ZMIZ1: variants seen among roughly 807,000 people sequenced by gnomAD.
ZMIZ1 encodes the protein zinc finger MIZ-type containing 1.
Under a neutral mutation model 113.9 loss-of-function variants are expected in ZMIZ1, and 17 were observed. The observed-to-expected ratio is 0.15, with a 90% CI of 0.10 to 0.22. The LOEUF (loss-of-function observed/expected upper bound fraction) is 0.22. Among genes scored for constraint, ZMIZ1 ranks in the 10% least tolerant of loss-of-function variants. The pLI is 1.00. For missense variants in ZMIZ1, 1,059 were observed against 1,477.8 expected (o/e 0.72, Z 4.65); for synonymous variants, 607 against 603.1 (o/e 1.01, Z -0.09).
chr10:79,102,919 A>C (rs551718028), intron 1 of ZMIZ1, among the ~76,000 whole-genome samples: 1 of 152,352 alleles, frequency 6.6e-6, no homozygotes, highest in Non-Finnish European at 1.5e-5. Flanking sequence ...TAAACATTGG[A>C]TAGAAAGCAG....
Position 79,216,288 on chromosome 10 carries a change from G to A in ZMIZ1, c.280+14G>A, listed in dbSNP as rs1373661910. On this transcript the variant is annotated intron_variant, in intron 7 of 24. Coordinates refer to ENST00000334512, the MANE Select transcript of ZMIZ1 (RefSeq NM_020338.4). ...CGAAGTCTGCCGGTAGGTGTCCGTG[G>A]GGGACTCTGCGATGTCACTGGGAGG... The A allele has an allele frequency of 6.3e-7, 1 of 1,579,656 alleles. No homozygotes were observed. The highest frequency in any genetic ancestry group is 1.2e-5 in the South Asian group (1 of 86,888).
intron 5 of ZMIZ1, among the ~76,000 whole-genome samples, chr10:79,202,669 G>T (rs993464284): frequency 2.0e-5 from 3 of 152,342 alleles, no homozygotes; most frequent in African/African-American, 4.8e-5. Context: ...TTGGACTGCC[G>T]GGAGGTGGGG....
intron 3 of ZMIZ1, among the ~76,000 whole-genome samples, chr10:79,150,851 A>G (rs1845686788): frequency 6.6e-6 from 1 of 152,062 alleles, no homozygotes; most frequent in Non-Finnish European, 1.5e-5. Flanking sequence ...CTGGGCCAGA[A>G]GCAGGGATGG....
In ZMIZ1 at chr10:79,307,495, A is replaced by T; in HGVS notation, c.2759A>T (p.Gln920Leu). Residue 920 changes from glutamine (Q) to leucine (L), a missense_variant, in exon 23 of 25, where the codon CAG becomes CTG. Gln to Leu is a moderately radical substitution (Grantham distance 113). Transcript: ENST00000334512. ...SMNDFMHGPP[Q>L]LSHPPDMPNN... ...AATGACTTCATGCACGGGCCCCCCC[A>T]GCTCTCCCACCCCCCGGACATGCCC... is the stretch of plus-strand genomic sequence containing the variant. 3.1e-6 allele frequency: 4 copies of T among 1,292,242 alleles called. No homozygotes were observed. Among genetic ancestry groups the T allele is most frequent in the Non-Finnish European group, 4.1e-6 (4 of 967,124 alleles). The allele number at this position is 1,292,242 out of a possible 1,614,324, so 80.0% of individuals were successfully genotyped here.
chr10:79,129,939 G>C (rs1844682792), intron 2 of ZMIZ1, among the ~76,000 whole-genome samples: 1 of 152,220 alleles, frequency 6.6e-6, no homozygotes, highest in African/African-American at 2.4e-5. Context: ...GCTTCCTGGG[G>C]GAGGGGAGCA....
At chr10:79,122,245 C>T (rs778858830) in intron 2 of ZMIZ1, among the ~76,000 whole-genome samples, 1 of 152,148 alleles carries the variant, frequency 6.6e-6, no homozygotes, top group Non-Finnish European at 1.5e-5. Flanking sequence ...ATGGTACCCT[C>T]CTGCCTGCAG....
At chr10:79,216,652 AGAG>A (rs1274688076) in intron 7 of ZMIZ1, among the ~76,000 whole-genome samples, 2 of 152,196 alleles carry the variant, frequency 1.3e-5, no homozygotes, top group East Asian at 3.8e-4. Context: ...TCACAAACAC[AGAG>A]GAGATTTCCC....
intron 3 of ZMIZ1, among the ~76,000 whole-genome samples, chr10:79,153,722 G>C (rs1301394964): frequency 6.6e-6 from 1 of 152,260 alleles, no homozygotes; most frequent in Non-Finnish European, 1.5e-5. Context: ...GAGAGGTGCA[G>C]GGACTTGGCT....
At chr10:79,158,378 C>T (rs972036887) in intron 3 of ZMIZ1, among the ~76,000 whole-genome samples, 6 of 152,194 alleles carry the variant, frequency 3.9e-5, no homozygotes, top group Non-Finnish European at 5.9e-5. Flanking sequence ...CAATGGAGGG[C>T]GGTCGGCCCC....
intron 4 of ZMIZ1, among the ~76,000 whole-genome samples, chr10:79,199,204 G>A (rs547931609): frequency 2.7e-5 from 4 of 148,960 alleles, no homozygotes; most frequent in East Asian, 2.1e-4. Flanking sequence ...AATACTGTGC[G>A]GCCATTAAAA....
intron 3 of ZMIZ1, among the ~76,000 whole-genome samples, chr10:79,149,378 C>A (rs919581493): frequency 8.5e-5 from 13 of 152,336 alleles, no homozygotes; most frequent in Admixed American, 2.6e-4. Flanking sequence ...CTGGAGAGGG[C>A]TGAGGGCCTC....
chr10:79,264,031 G>A (rs758130902), intron 7 of ZMIZ1, among the ~76,000 whole-genome samples: 2 of 152,206 alleles, frequency 1.3e-5, no homozygotes, highest in Non-Finnish European at 2.9e-5. Flanking sequence ...CCAGCAACGG[G>A]CAGTGATGTT....
chr10:79,296,719 C>G lies in ZMIZ1; in HGVS notation c.1413+66C>G. 46 of 1,444,192 alleles carry G rather than the reference C, an allele frequency of 3.2e-5. No individual in the cohort carries two copies. Among genetic ancestry groups the G allele is most frequent in the Non-Finnish European group, 4.3e-5 (46 of 1,075,464 alleles). The allele number at this position is 1,444,192 out of a possible 1,614,324, so 89.5% of individuals were successfully genotyped here. A position where few individuals can be genotyped will look rare whatever the true frequency, so the allele number is the denominator to read the frequency against. ...TCCTAACCACCTCACTCCCCTAACTCCACCGGGATCACTCTGACCCTGCGT... is the reference window on the plus strand; with the variant it reads ...TCCTAACCACCTCACTCCCCTAACTGCACCGGGATCACTCTGACCCTGCGT... On this transcript the variant is annotated intron_variant, in intron 13 of 24. Transcript: ENST00000334512. The surrounding 1 kb of genome is among the most constrained non-coding windows in gnomAD (Gnocchi z 4.1).
chr10:79,109,349 T>G (rs1362172664), intron 1 of ZMIZ1, among the ~76,000 whole-genome samples: 1 of 152,204 alleles, frequency 6.6e-6, no homozygotes, highest in East Asian at 1.9e-4. Context: ...CACACTCACA[T>G]CCTTGCGTGC....
intron 2 of ZMIZ1, among the ~76,000 whole-genome samples, chr10:79,134,652 C>T (rs1376362046): frequency 6.6e-6 from 1 of 152,192 alleles, no homozygotes; most frequent in Non-Finnish European, 1.5e-5. Flanking sequence ...GCCTTGCACC[C>T]TGTGGGCTAT....
rs528389330 is a variant in ZMIZ1 at position 79,307,635 on chromosome 10, GA to G, written c.2835+65del. The G allele has an allele frequency of 1.2e-4, 185 of 1,551,832 alleles. 1 individual carries two copies. The South Asian group carries it at 1.9e-3, about 16-fold the overall frequency. On this transcript the variant is annotated intron_variant, in intron 23 of 24. Coordinates refer to ENST00000334512, the MANE Select transcript of ZMIZ1 (RefSeq NM_020338.4). ...TTTGGGGTTGATGCCTTGGGATCTG[GA>G]TACCCTGTTCCCTCCCAGGCAAGGC...
intron 24 of ZMIZ1, among the ~76,000 whole-genome samples, chr10:79,312,135 G>C (rs187984963): frequency 6.6e-6 from 1 of 152,230 alleles, no homozygotes; most frequent in East Asian, 1.9e-4. Flanking sequence ...CATCCCCTCC[G>C]GGGCCACAGG....
intron 2 of ZMIZ1, among the ~76,000 whole-genome samples, chr10:79,133,854 G>A (rs1844878042): frequency 6.6e-6 from 1 of 152,194 alleles, no homozygotes; most frequent in Non-Finnish European, 1.5e-5. Flanking sequence ...TTTAAGGACT[G>A]GGGCATTGCC....
At chr10:79,146,393 C>T (rs1688390129) in intron 3 of ZMIZ1, among the ~76,000 whole-genome samples, 1 of 152,202 alleles carries the variant, frequency 6.6e-6, no homozygotes, top group Non-Finnish European at 1.5e-5. Context: ...CAGAGCCGCT[C>T]CTGCTGAGTT....
Sources: allele counts gnomAD v4.1 joint callset (sites outside exome capture counted in the v4.1 genomes callset), GRCh38; gene constraint gnomAD v4.1.1; non-coding constraint Gnocchi (gnomAD v3.1); transcripts MANE v1.5; gene names NCBI Gene and HGNC (gene_info 2026-07-23, HGNC 2026-07-21).